The following UAP1 variants were observed in gnomAD, a reference collection of about 807,000 sequenced individuals.
UAP1 encodes UDP-N-acetylglucosamine pyrophosphorylase 1, also known as UDP-N-acetylhexosamine pyrophosphorylase.
Under a neutral mutation model 58.5 loss-of-function variants are expected in UAP1, and 25 were observed. The ratio of observed to expected loss-of-function variants is 0.43; its 90% CI spans 0.31 to 0.60. The LOEUF is 0.60. Among genes scored for constraint, UAP1 ranks in the 20% least tolerant of loss-of-function variants. UAP1 has a pLI of 0.11. For missense variants in UAP1, 575 were observed against 630.0 expected (o/e 0.91, Z 0.93); for synonymous variants, 208 against 213.0 (o/e 0.98, Z 0.21).
intron 5 of UAP1, among the ~76,000 whole-genome samples, chr1:162,586,158 CTG>C (rs1378220759): frequency 6.6e-6 from 1 of 152,142 alleles, no homozygotes; most frequent in African/African-American, 2.4e-5. Context: ...CTGTTACTGA[CTG>C]TATTTATTTT....
At chr1:162,592,314 G>A (rs755187845) in intron 8 of UAP1, among the ~76,000 whole-genome samples, 12 of 152,160 alleles carry the variant, frequency 7.9e-5, no homozygotes, top group East Asian at 1.9e-4. Flanking sequence ...GCTTGAACCC[G>A]GGAGGGAGAA....
chr1:162,581,195 T>C, intron 4 of UAP1, 92 bp from the exon 5 acceptor site: 1 of 1,421,496 alleles, frequency 7.0e-7, no homozygotes, highest in Non-Finnish European at 9.4e-7. Context: ...AATTTTGTTT[T>C]TTAGGGATCT....
intron 10 of UAP1, among the ~76,000 whole-genome samples, 155 bp from the exon 11 acceptor site, chr1:162,599,116 C>G (rs1486939231): frequency 6.6e-6 from 1 of 152,134 alleles, no homozygotes; most frequent in Non-Finnish European, 1.5e-5. Context: ...GTCATTAAGT[C>G]TACTCTAAAA....
Position 162,597,874 on chromosome 1 carries a change from T to G in UAP1, c.1476+16T>G, listed in dbSNP as rs1327069992. 1 of 1,601,808 alleles carries G rather than the reference T, an allele frequency of 6.2e-7. No individual in the cohort carries two copies. The highest frequency in any genetic ancestry group is 2.2e-5 in the East Asian group (1 of 44,748). ...TGCTGGAGAAGTAAGTCTGCTTTACTTTTTCCTCTATTCTTTTACAAAGCT... is the reference window on the plus strand; with the variant it reads ...TGCTGGAGAAGTAAGTCTGCTTTACGTTTTCCTCTATTCTTTTACAAAGCT... On this transcript the variant is annotated intron_variant, in intron 10 of 10. Transcript: ENST00000271469.
At chr1:162,590,608 T>C in intron 8 of UAP1, 97 bp downstream of exon 8, 1 of 1,062,092 alleles carries the variant, frequency 9.4e-7, no homozygotes, top group Non-Finnish European at 1.3e-6. Context: ...CTAGATCTTT[T>C]TTAAAAAGCA....
rs1654986213 is a variant in UAP1, at chr1:162,587,685, G to T, written c.1028+17G>T. 6.3e-7 allele frequency: 1 copy of T among 1,597,556 alleles called. No homozygotes were observed. Among genetic ancestry groups the T allele is most frequent in the African/African-American group, 1.3e-5 (1 of 74,184 alleles). ...TGTTGTCAAGTATGGGCAAGATGGG[G>T]GCCTTTTAAAATTATATTTATTGTT... is the stretch of plus-strand genomic sequence containing the variant. On this transcript the variant is annotated intron_variant, in intron 6 of 10. Coordinates refer to ENST00000271469, the Ensembl canonical transcript of UAP1.
intron 9 of UAP1, among the ~76,000 whole-genome samples, chr1:162,594,541 C>G (rs755668118): frequency 1.5e-4 from 23 of 152,166 alleles, no homozygotes; most frequent in Non-Finnish European, 2.6e-4. Flanking sequence ...TGTTGTCTCT[C>G]CTGCCTTGGG....
Position 162,581,596 on chromosome 1 carries a change from C to T in UAP1, c.834+137C>T, listed in dbSNP as rs190727470. On this transcript the variant is annotated intron_variant, in intron 5 of 10. Coordinates refer to ENST00000271469, the Ensembl canonical transcript of UAP1. ...TATCTCTCTAAAGTAACTAAACGGTCCCACACCCACTTTTTTTCTTAAATT... is the reference window on the plus strand; with the variant it reads ...TATCTCTCTAAAGTAACTAAACGGTTCCACACCCACTTTTTTTCTTAAATT... 5.8e-4 allele frequency: 473 copies of T among 815,842 alleles called. 2 individuals are homozygous for T. The highest frequency in any genetic ancestry group is 4.0e-4 in the Non-Finnish European group (219 of 552,386). 50.5% of individuals were successfully genotyped at this position (815,842 alleles called of 1,614,324 possible). A position where few individuals can be genotyped will look rare whatever the true frequency, so the allele number is the denominator to read the frequency against.
chr1:162,567,279 A>C (rs1434187902), intron 2 of UAP1, among the ~76,000 whole-genome samples: 1 of 152,250 alleles, frequency 6.6e-6, no homozygotes, highest in Non-Finnish European at 1.5e-5. Context: ...TTATCATAAG[A>C]GTTCTTCCTC....
intron 1 of UAP1, among the ~76,000 whole-genome samples, chr1:162,562,067 C>T (rs1448840637): frequency 6.6e-6 from 1 of 152,188 alleles, no homozygotes; most frequent in African/African-American, 2.4e-5. Flanking sequence ...GAGCGCGCCC[C>T]AGATGGACTG....
At position 162,576,988 on chromosome 1, in the gene UAP1, T is replaced by C. The variant is rs1373453751; in HGVS notation, c.485+7T>C. The C allele has an allele frequency of 6.2e-7, 1 of 1,612,652 alleles. No individual in the cohort carries two copies. Among genetic ancestry groups the C allele is most frequent in the Non-Finnish European group, 8.5e-7 (1 of 1,178,738 alleles). ...ACAAATGCATTATTCCATGGTAAGA[T>C]ACGTCTCATTATTGGAGTGTGTCTG... is the stretch of plus-strand genomic sequence containing the variant. On this transcript the variant is annotated splice_region_variant and intron_variant, in intron 3 of 10. Transcript: ENST00000271469.
At chr1:162,593,599 A>C (rs772468279) in intron 9 of UAP1, 6 of 152,172 alleles carry the variant, frequency 3.9e-5, no homozygotes, top group Non-Finnish European at 8.8e-5. Flanking sequence ...AAATACAAAA[A>C]TTAGCTGGTG....
chr1:162,585,258 CTT>C (rs10710780), intron 5 of UAP1, among the ~76,000 whole-genome samples: 47 of 148,098 alleles, frequency 3.2e-4, no homozygotes, highest in Admixed American at 3.3e-4. Context: ...TACTGTATAT[CTT>C]TTTTTTTTTT....
At chr1:162,574,197 GT>G (rs1439770221) in intron 2 of UAP1, among the ~76,000 whole-genome samples, 2 of 150,338 alleles carry the variant, frequency 1.3e-5, no homozygotes, top group African/African-American at 4.9e-5. Context: ...GGTTCAAGCA[GT>G]TCATCTGCCT....
intron 2 of UAP1, among the ~76,000 whole-genome samples, chr1:162,575,781 A>G (rs1453124166): frequency 6.7e-6 from 1 of 149,676 alleles, no homozygotes; most frequent in Non-Finnish European, 1.5e-5. Context: ...GCTCACTGCA[A>G]CCTCCGCCTT....
chr1:162,597,819 C>T (rs1414912973), exon 10 of UAP1: 2 of 1,613,082 alleles, frequency 1.2e-6, no homozygotes, highest in South Asian at 1.1e-5. Flanking sequence ...ATGTACCAAT[C>T]CAATGTGAAA....
Position 162,577,465 on chromosome 1 carries a change from T to C in UAP1, c.485+484T>C, listed in dbSNP as rs555152713. On this transcript the variant is annotated intron_variant, in intron 3 of 10. Coordinates refer to ENST00000271469, the Ensembl canonical transcript of UAP1. ...TTTTTTTTTTTTTTTTTTTTTTTTT[T>C]TGAGACAGGGTCTGTCTCGGTCACC... Among the ~76,000 whole-genome samples, 833 of 139,526 alleles carry C rather than the reference T, an allele frequency of 6.0e-3. 1 individual carries two copies. The highest frequency in any genetic ancestry group is 0.012 in the South Asian group (52 of 4,184). The allele number at this position is 139,526 out of a possible 152,430, so 91.5% of individuals were successfully genotyped here.
At chr1:162,589,118 ATTTT>A (rs1557977251) in intron 7 of UAP1, among the ~76,000 whole-genome samples, 4 of 116,388 alleles carry the variant, frequency 3.4e-5, no homozygotes, top group African/African-American at 1.3e-4. Context: ...TTATATATAT[ATTTT>A]ATATATATAA....
chr1:162,584,298 C>T (rs1654779836), intron 5 of UAP1, among the ~76,000 whole-genome samples: 1 of 152,090 alleles, frequency 6.6e-6, no homozygotes, highest in Non-Finnish European at 1.5e-5. Context: ...TCAGATGGAA[C>T]CAAAACATGA....
Sources: gnomAD v4.1 joint callset for allele counts (sites outside exome capture counted in the v4.1 genomes callset) on GRCh38, gnomAD v4.1.1 for gene constraint, MANE v1.5 for transcripts, NCBI Gene and HGNC (gene_info 2026-07-23, HGNC 2026-07-21) for gene names.